Variants in ARHGAP6 observed in about 807,000 individuals in gnomAD.
ARHGAP6 encodes rho GTPase-activating protein 6.
Under a neutral mutation model 55.7 loss-of-function variants are expected in ARHGAP6, and 16 were observed. The observed-to-expected ratio is 0.29, with a 90% CI of 0.19 to 0.44. ARHGAP6 has a LOEUF of 0.44. Among genes scored for constraint, ARHGAP6 ranks in the 20% least tolerant of loss-of-function variants. ARHGAP6 has a pLI of 1.00. For missense variants in ARHGAP6, 698 were observed against 808.9 expected (o/e 0.86, Z 1.66); for synonymous variants, 382 against 360.9 (o/e 1.06, Z -0.66).
At chrX:11,262,020 G>A (rs2047568488) in intron 1 of ARHGAP6, among the ~76,000 whole-genome samples, 1 of 111,284 alleles carries the variant, frequency 9.0e-6, no homozygotes, top group Non-Finnish European at 1.9e-5. Flanking sequence ...TGATGGTGCT[G>A]GAAATATTAA....
chrX:11,312,375 G>A (rs913537708), intron 1 of ARHGAP6, among the ~76,000 whole-genome samples: 1 of 111,626 alleles, frequency 9.0e-6, no homozygotes, highest in Non-Finnish European at 1.9e-5. Flanking sequence ...AAATATTATC[G>A]TAACAGCCCA....
At chrX:11,417,501 C>G (rs1191018506) in intron 1 of ARHGAP6, among the ~76,000 whole-genome samples, 1 of 110,320 alleles carries the variant, frequency 9.1e-6, no homozygotes, top group Admixed American at 9.7e-5. Context: ...CATGTAAAAA[C>G]CTGGTAAAAT....
intron 2 of ARHGAP6, among the ~76,000 whole-genome samples, chrX:11,237,332 T>C (rs774536821): frequency 8.9e-6 from 1 of 112,103 alleles, no homozygotes; most frequent in Non-Finnish European, 1.9e-5. Flanking sequence ...CCATATCCAG[T>C]CCCCTACTAT....
At chrX:11,252,447 T>C (rs2047436471) in intron 2 of ARHGAP6, among the ~76,000 whole-genome samples, 1 of 112,473 alleles carries the variant, frequency 8.9e-6, no homozygotes, top group Admixed American at 9.4e-5. Flanking sequence ...AGAACAGGCC[T>C]CATCTCCACC....
chrX:11,524,403 C>T (rs1213362066), intron 1 of ARHGAP6, among the ~76,000 whole-genome samples: 2 of 112,079 alleles, frequency 1.8e-5, no homozygotes, highest in African/African-American at 3.2e-5. Context: ...CTGAAAGTGA[C>T]AATCATGCCA....
chrX:11,318,227 G>C (rs751368495), intron 1 of ARHGAP6, among the ~76,000 whole-genome samples: 5 of 111,916 alleles, frequency 4.5e-5, no homozygotes, highest in African/African-American at 1.6e-4. Flanking sequence ...TGGCATAATT[G>C]CTGGACTTTA....
intron 1 of ARHGAP6, among the ~76,000 whole-genome samples, chrX:11,284,005 G>A (rs2047892292): frequency 9.0e-6 from 1 of 111,698 alleles, no homozygotes; most frequent in Admixed American, 9.5e-5. Context: ...GGCTCAAAAA[G>A]GAGAAATTTT....
At chrX:11,384,072 G>A (rs2049295278) in intron 1 of ARHGAP6, among the ~76,000 whole-genome samples, 1 of 110,377 alleles carries the variant, frequency 9.1e-6, no homozygotes, top group Admixed American at 9.7e-5. Context: ...GTATCTACAG[G>A]ATGGACAATG....
intron 1 of ARHGAP6, among the ~76,000 whole-genome samples, chrX:11,320,633 A>C (rs1047922564): frequency 2.7e-5 from 3 of 110,996 alleles, no homozygotes; most frequent in African/African-American, 9.8e-5. Flanking sequence ...TATAAATTAC[A>C]GCCACCTACA....
intron 2 of ARHGAP6, among the ~76,000 whole-genome samples, chrX:11,213,737 A>T (rs1014737776): frequency 1.8e-5 from 2 of 111,909 alleles, no homozygotes; most frequent in Non-Finnish European, 3.8e-5. Context: ...TAGACACTGG[A>T]AACTCAGAAG....
At chrX:11,226,865 G>T (rs1381498224) in intron 2 of ARHGAP6, among the ~76,000 whole-genome samples, 2 of 112,089 alleles carry the variant, frequency 1.8e-5, no homozygotes, top group Non-Finnish European at 3.8e-5. Context: ...ATGAAAATTT[G>T]TAATCATAAG....
intron 11 of ARHGAP6, chrX:11,143,762 G>T: frequency 2.6e-6 from 3 of 1,138,561 alleles, no homozygotes; most frequent in Non-Finnish European, 1.2e-6. Flanking sequence ...CTTGGAGTGT[G>T]GCCTGCAGGG....
chrX:11,662,743 A>C (rs1360344538), intron 1 of ARHGAP6, among the ~76,000 whole-genome samples: 4 of 112,736 alleles, frequency 3.5e-5, no homozygotes, highest in Non-Finnish European at 7.5e-5. Flanking sequence ...AATGTTCTTA[A>C]TGATGCAATT....
chrX:11,572,438 G>A (rs978740469), intron 1 of ARHGAP6, among the ~76,000 whole-genome samples: 7 of 110,348 alleles, frequency 6.3e-5, no homozygotes, highest in African/African-American at 9.9e-5. Flanking sequence ...AACACAAGGT[G>A]TTTGGTTTTT....
chrX:11,219,142 G>C, intron 2 of ARHGAP6, among the ~76,000 whole-genome samples: 1 of 96,246 alleles, frequency 1.0e-5, no homozygotes, highest in East Asian at 3.4e-4. Flanking sequence ...GCGGTGTTTG[G>C]TTTTTTGTTC....
At chrX:11,638,033 C>G (rs2052436720) in intron 1 of ARHGAP6, among the ~76,000 whole-genome samples, 1 of 111,353 alleles carries the variant, frequency 9.0e-6, no homozygotes, top group Admixed American at 9.6e-5. Context: ...CAAGAGGAAG[C>G]AAACCAGAGG....
chrX:11,651,834 A>G (rs1177788380), intron 1 of ARHGAP6, among the ~76,000 whole-genome samples: 1 of 111,749 alleles, frequency 8.9e-6, no homozygotes, highest in African/African-American at 3.3e-5. Flanking sequence ...AGCCATTCTG[A>G]CTAGTATGAG....
At chrX:11,209,495 G>A (rs1157981793) in intron 2 of ARHGAP6, among the ~76,000 whole-genome samples, 1 of 112,219 alleles carries the variant, frequency 8.9e-6, no homozygotes, top group Non-Finnish European at 1.9e-5. Context: ...ATATGAATAT[G>A]TTATACAGAA....
intron 1 of ARHGAP6, among the ~76,000 whole-genome samples, chrX:11,266,974 T>C (rs1025873643): frequency 9.0e-6 from 1 of 111,702 alleles, no homozygotes; most frequent in Non-Finnish European, 1.9e-5. Flanking sequence ...GGTGGTTTTC[T>C]TTACTAGAAT....
Sources: allele counts gnomAD v4.1 joint callset (sites outside exome capture counted in the v4.1 genomes callset), GRCh38; gene constraint gnomAD v4.1.1; transcripts MANE v1.5; gene names NCBI Gene and HGNC (gene_info 2026-07-23, HGNC 2026-07-21).